Variants in HOXC4 observed in about 807,000 individuals in gnomAD.
HOXC4 encodes homeobox protein Hox-C4.
In HOXC4, 15 loss-of-function variants were observed where a neutral mutation model predicts 25.5. The observed-to-expected ratio is 0.59, with a 90% CI of 0.39 to 0.91. HOXC4 has a LOEUF of 0.91. HOXC4 is among the 40% of genes least tolerant of loss of function. The pLI is 0.00. For synonymous variants in HOXC4, 165 were observed against 148.0 expected, an observed-to-expected ratio of 1.11 and a Z score of -0.83; for missense variants, 342 against 352.4, an observed-to-expected ratio of 0.97 and a Z score of 0.24.
chr12:54,036,122 G>T (rs559165382), intron 1 of HOXC4, among the ~76,000 whole-genome samples: 16 of 152,166 alleles, frequency 1.1e-4, no homozygotes, highest in Admixed American at 9.8e-4. Flanking sequence ...GGTTAAAAGT[G>T]GGGGTGGGAG....
At chr12:54,032,804 T>A (rs1219284167) in intron 1 of HOXC4, 1 of 169,848 alleles carries the variant, frequency 5.9e-6, no homozygotes, top group African/African-American at 2.4e-5. Context: ...CCTTTTTTTT[T>A]TTTTCCCTCC....
In HOXC4 at chr12:54,055,309, T is replaced by C; in HGVS notation, c.*104T>C. The C allele has an allele frequency of 7.5e-6, 2 of 266,632 alleles. No individual in the cohort carries two copies. Among genetic ancestry groups the C allele is most frequent in the Non-Finnish European group, 6.7e-6 (1 of 149,604 alleles). 16.5% of individuals were successfully genotyped at this position (266,632 alleles called of 1,614,324 possible). A position where few individuals can be genotyped will look rare whatever the true frequency, so the allele number is the denominator to read the frequency against. On this transcript the variant is annotated 3_prime_UTR_variant, in exon 2 of 2. Coordinates refer to ENST00000430889, the MANE Select transcript of HOXC4 (RefSeq NM_153633.3). ...TAATATATATATATATATATATATA[T>C]ATAGGTTCTTTTCTCTCTTCCTCTC...
chr12:54,029,861 A>G, intron 1 of HOXC4: 1 of 1,612,902 alleles, frequency 6.2e-7, no homozygotes, highest in Non-Finnish European at 8.5e-7. Context: ...ATCTAATCTC[A>G]CATCCACTCT....
Position 54,054,173 on chromosome 12 carries a change from C to G in HOXC4, c.251C>G (p.Ala84Gly), listed in dbSNP as rs1182875553. The G allele has an allele frequency of 6.2e-7, 1 of 1,613,710 alleles. No individual in the cohort carries two copies. Among genetic ancestry groups the G allele is most frequent in the Non-Finnish European group, 8.5e-7 (1 of 1,179,808 alleles). The part of the protein sequence containing the change: ...GPGNSRGHGP[A>G]QAGHHHPEKS... ...GGCAATTCGCGAGGCCACGGGCCGG[C>G]CCAGGCGGGCCACCACCACCCCGAG... The change falls in exon 1 of 2, where the codon GCC (alanine) becomes GGC (glycine). Residue 84 changes from alanine (A) to glycine (G), a missense_variant. Ala to Gly is a moderately conservative substitution (Grantham distance 60, BLOSUM62 0). Coordinates refer to ENST00000430889, the MANE Select transcript of HOXC4 (RefSeq NM_153633.3).
At chr12:54,041,745 C>T (rs755131773) in intron 1 of HOXC4, among the ~76,000 whole-genome samples, 3 of 152,212 alleles carry the variant, frequency 2.0e-5, no homozygotes, top group Non-Finnish European at 2.9e-5. Flanking sequence ...GGCACAATCT[C>T]GGCTCATCGC....
At chr12:54,034,116 G>A in intron 1 of HOXC4, 1 of 746,060 alleles carries the variant, frequency 1.3e-6, no homozygotes, top group Admixed American at 2.0e-5. Flanking sequence ...CGCCTCTCCC[G>A]GGGCTGGGCT....
At chr12:54,029,688 G>A (rs1191899938) in intron 1 of HOXC4, 1 of 1,613,816 alleles carries the variant, frequency 6.2e-7, no homozygotes, top group Non-Finnish European at 8.5e-7. Flanking sequence ...AGGCGCGGCC[G>A]CCAGATCTAC....
intron 1 of HOXC4, among the ~76,000 whole-genome samples, chr12:54,023,657 G>T (rs141240544): frequency 9.9e-4 from 150 of 152,184 alleles, no homozygotes; most frequent in African/African-American, 3.5e-3. Context: ...CAACTGGTCA[G>T]CCCGGGCCCT....
intron 1 of HOXC4, among the ~76,000 whole-genome samples, chr12:54,018,418 A>T (rs1193236553): frequency 1.3e-5 from 2 of 152,054 alleles, no homozygotes; most frequent in African/African-American, 4.8e-5. Context: ...AGAGTCTCCT[A>T]GGTGCTGTGG....
At chr12:54,030,098 C>A in intron 1 of HOXC4, 1 of 884,540 alleles carries the variant, frequency 1.1e-6, no homozygotes, top group Non-Finnish European at 1.7e-6. Context: ...GGGAGTCAAA[C>A]GTGGACCTGA....
chr12:54,029,823 A>C, intron 1 of HOXC4: 1 of 1,614,062 alleles, frequency 6.2e-7, no homozygotes, highest in Non-Finnish European at 8.5e-7. Flanking sequence ...ATCTGGTTCC[A>C]GAACCGCCGG....
chr12:54,050,685 C>T (rs1394762775), upstream of HOXC4, among the ~76,000 whole-genome samples: 1 of 151,970 alleles, frequency 6.6e-6, no homozygotes, highest in Non-Finnish European at 1.5e-5. Flanking sequence ...CAGGCGACTT[C>T]CTTGCTATTA....
At chr12:54,042,284 G>T (rs1299814828) in intron 1 of HOXC4, among the ~76,000 whole-genome samples, 1 of 152,178 alleles carries the variant, frequency 6.6e-6, no homozygotes, top group Non-Finnish European at 1.5e-5. Context: ...AGCCCCATTT[G>T]CCTCTTTTAT....
At chr12:54,051,681 G>A (rs1231512360), upstream of HOXC4, among the ~76,000 whole-genome samples, 1 of 152,242 alleles carries the variant, frequency 6.6e-6, no homozygotes, top group East Asian at 1.9e-4. Flanking sequence ...CTCTTGGAGA[G>A]AGAGTATTCA....
Position 54,033,934 on chromosome 12 carries a change from C to G in HOXC4, c.-124+16520C>G, listed in dbSNP as rs1325024664. On this transcript the variant is annotated intron_variant, in intron 1 of 3. Transcript: ENST00000303406. ...CCGGCTCCGCCGGCGCTTGCGGCTC[C>G]GGAGGATTCCAGCGACTCGGGAGGG... 9 of 410,414 alleles carry G rather than the reference C, an allele frequency of 2.2e-5. No individual in the cohort carries two copies. In the East Asian group the frequency reaches 5.7e-4, roughly 26 times the overall value. The allele number at this position is 410,414 out of a possible 1,614,324, so 25.4% of individuals were successfully genotyped here.
chr12:54,051,674 T>C (rs888143340), upstream of HOXC4, among the ~76,000 whole-genome samples: 9 of 152,210 alleles, frequency 5.9e-5, no homozygotes, highest in African/African-American at 2.2e-4. Flanking sequence ...CACTGTCCTC[T>C]TGGAGAGAGA....
At chr12:54,046,891 C>G (rs1193075293) in intron 1 of HOXC4, among the ~76,000 whole-genome samples, 2 of 152,178 alleles carry the variant, frequency 1.3e-5, no homozygotes, top group Admixed American at 1.3e-4. Flanking sequence ...CGCAGCCACC[C>G]CAGGCTGCTG....
chr12:54,041,723 C>A (rs1368417797), intron 1 of HOXC4, among the ~76,000 whole-genome samples: 1 of 152,238 alleles, frequency 6.6e-6, no homozygotes, highest in Admixed American at 6.5e-5. Context: ...GTCGCCCCGG[C>A]TGGAGTGCAA....
intron 1 of HOXC4, chr12:54,034,516 G>A (rs1941128007): frequency 5.0e-6 from 8 of 1,594,054 alleles, no homozygotes; most frequent in Non-Finnish European, 5.2e-6. Flanking sequence ...GGCCCGCAGA[G>A]CGCGCCCCTA....
Sources: gnomAD v4.1 joint callset for allele counts (sites outside exome capture counted in the v4.1 genomes callset) on GRCh38, gnomAD v4.1.1 for gene constraint, MANE v1.5 for transcripts, NCBI Gene and HGNC (gene_info 2026-07-23, HGNC 2026-07-21) for gene names.